The following JAK2 variants were observed in gnomAD, a reference collection of about 807,000 sequenced individuals.
JAK2 encodes tyrosine-protein kinase JAK2.
JAK2 carries 86 observed loss-of-function variants against 139.3 expected under a neutral mutation model. The observed-to-expected ratio is 0.62, with a 90% CI of 0.52 to 0.74. JAK2 has a LOEUF of 0.74. Among genes scored for constraint, JAK2 ranks in the 30% least tolerant of loss-of-function variants. The pLI is 0.00. For synonymous variants in JAK2, 490 were observed against 437.7 expected, an observed-to-expected ratio of 1.12 and a Z score of -1.49; for missense variants, 1,421 against 1,360.3, an observed-to-expected ratio of 1.04 and a Z score of -0.70.
intron 2 of JAK2, among the ~76,000 whole-genome samples, chr9:5,012,805 A>G (rs1187403479): frequency 6.6e-6 from 1 of 152,196 alleles, no homozygotes; most frequent in African/African-American, 2.4e-5. Context: ...GAGGTTGGAG[A>G]GGTAAGCAGC....
chr9:5,125,518 T>C (rs956024357), intron 23 of JAK2, among the ~76,000 whole-genome samples: 5 of 151,466 alleles, frequency 3.3e-5, no homozygotes, highest in African/African-American at 1.2e-4. Flanking sequence ...CTGATAATTA[T>C]CTTAGAATAA....
At chr9:5,112,837 TG>T in intron 22 of JAK2, 2 of 553,882 alleles carry the variant, frequency 3.6e-6, no homozygotes, top group Non-Finnish European at 5.7e-6. Flanking sequence ...ACAACCCCGC[TG>T]GGCACGTGTG....
At position 5,073,730 on chromosome 9, in the gene JAK2, G is replaced by A. The variant is rs771269665; in HGVS notation, c.1809G>A (p.Lys603=). Residue 603 remains lysine (K), a synonymous_variant, in exon 14 of 25, where the codon AAG becomes AAA. Transcript: ENST00000381652. The part of the protein sequence containing the change: ...SFFEAASMMS[K]LSHKHLVLNY... ...TTGAAGCAGCAAGTATGATGAGCAA[G>A]CTTTCTCACAAGCATTTGGTTTTAA... The A allele has an allele frequency of 6.2e-7, 1 of 1,612,318 alleles. No individual in the cohort carries two copies. The highest frequency in any genetic ancestry group is 8.5e-7 in the Non-Finnish European group (1 of 1,179,080).
chr9:5,028,878 G>A (rs1330062880), intron 3 of JAK2, among the ~76,000 whole-genome samples: 1 of 152,166 alleles, frequency 6.6e-6, no homozygotes, highest in African/African-American at 2.4e-5. Context: ...ATTGTGGCTG[G>A]TTTGATCTTC....
chr9:5,112,566 G>C, intron 22 of JAK2: 1 of 646,264 alleles, frequency 1.5e-6, no homozygotes, highest in East Asian at 2.9e-5. Flanking sequence ...ACGCCAGGGA[G>C]CGGCTGCGGG....
In JAK2 at chr9:5,029,808, G is replaced by C; in HGVS notation, c.252G>C (p.Met84Ile). 6.2e-7 allele frequency: 1 copy of C among 1,611,036 alleles called. No individual in the cohort carries two copies. Among genetic ancestry groups the C allele is most frequent in the Non-Finnish European group, 8.5e-7 (1 of 1,177,944 alleles). Residue 84 changes from methionine (M) to isoleucine (I), a missense_variant, in exon 4 of 25, where the codon ATG (methionine) becomes ATC (isoleucine). Coordinates refer to ENST00000381652, the MANE Select transcript of JAK2 (RefSeq NM_004972.4). ...GTATCACACCTGTGTATCATAATAT[G>C]TTTGCTTTAATGAGTGAAACAGAAA... The part of the protein sequence containing the change: ...ACGITPVYHN[M>I]FALMSETERI...
chr9:4,992,609 A>G (rs1820320193), intron 2 of JAK2, among the ~76,000 whole-genome samples: 1 of 152,178 alleles, frequency 6.6e-6, no homozygotes, highest in Non-Finnish European at 1.5e-5. Context: ...TCCCATCATG[A>G]CAGTAACTCA....
chr9:5,049,271 T>C (rs1821716311), intron 5 of JAK2, among the ~76,000 whole-genome samples: 1 of 152,186 alleles, frequency 6.6e-6, no homozygotes, highest in Admixed American at 6.5e-5. Context: ...CAGATCTCCA[T>C]AGTTTCTAGG....
chr9:5,095,207 G>A (rs958218028), intron 22 of JAK2, among the ~76,000 whole-genome samples: 1 of 151,974 alleles, frequency 6.6e-6, no homozygotes, highest in African/African-American at 2.4e-5. Context: ...GAAAATGTTG[G>A]TTATACCCTT....
intron 12 of JAK2, among the ~76,000 whole-genome samples, chr9:5,071,278 A>T (rs1818934429): frequency 6.6e-6 from 1 of 152,214 alleles, no homozygotes; most frequent in Non-Finnish European, 1.5e-5. Flanking sequence ...TTTTAATAGA[A>T]AATTTAGAAA....
intron 2 of JAK2, among the ~76,000 whole-genome samples, chr9:4,993,226 C>T (rs992082451): frequency 3.3e-5 from 5 of 152,174 alleles, no homozygotes; most frequent in Admixed American, 3.3e-4. Context: ...TGGGACAACA[C>T]CCTTAAGATC....
At chr9:4,991,494 G>T (rs1455714208) in intron 2 of JAK2, among the ~76,000 whole-genome samples, 2 of 152,178 alleles carry the variant, frequency 1.3e-5, no homozygotes, top group Admixed American at 6.5e-5. Flanking sequence ...GGGGATAAGG[G>T]ACTGACCCTG....
At chr9:5,037,940 T>A (rs1268226474) in intron 4 of JAK2, among the ~76,000 whole-genome samples, 1 of 152,194 alleles carries the variant, frequency 6.6e-6, no homozygotes, top group African/African-American at 2.4e-5. Flanking sequence ...AGTATGAAAT[T>A]TAAAACAGTG....
chr9:5,098,829 G>A (rs1275628427), intron 22 of JAK2: 2 of 147,512 alleles, frequency 1.4e-5, no homozygotes, highest in East Asian at 3.9e-4. Context: ...GAGTAGCTGG[G>A]ACTACAGGCG....
intron 22 of JAK2, among the ~76,000 whole-genome samples, chr9:5,119,307 T>A (rs1287787039): frequency 6.6e-6 from 1 of 152,102 alleles, no homozygotes; most frequent in Non-Finnish European, 1.5e-5. Context: ...CATGGAGGTA[T>A]GTTTATTATG....
intron 22 of JAK2, among the ~76,000 whole-genome samples, chr9:5,103,184 A>AAG (rs533261646): frequency 1.8e-3 from 265 of 147,426 alleles, no homozygotes; most frequent in Middle Eastern, 6.8e-3. Flanking sequence ...GGCTCAAAAT[A>AAG]AAGGGATGGA....
chr9:5,091,805 T>C (rs369222359), intron 22 of JAK2, among the ~76,000 whole-genome samples: 2 of 152,176 alleles, frequency 1.3e-5, no homozygotes, highest in East Asian at 3.8e-4. Context: ...AAACCTAGTA[T>C]ACTGGAGAAG....
At chr9:5,119,690 G>A (rs1207530993) in intron 22 of JAK2, among the ~76,000 whole-genome samples, 1 of 152,108 alleles carries the variant, frequency 6.6e-6, no homozygotes, top group Non-Finnish European at 1.5e-5. Context: ...ATGTGTTAGG[G>A]GGAGGTATGA....
intron 8 of JAK2, among the ~76,000 whole-genome samples, chr9:5,058,610 A>AT (rs1355685125): frequency 2.0e-4 from 30 of 152,096 alleles, no homozygotes; most frequent in Non-Finnish European, 3.8e-4. Flanking sequence ...TCTACTTGTA[A>AT]TTTTTTAGGG....
Sources: gnomAD v4.1 joint callset for allele counts (sites outside exome capture counted in the v4.1 genomes callset) on GRCh38, gnomAD v4.1.1 for gene constraint, MANE v1.5 for transcripts, NCBI Gene and HGNC (gene_info 2026-07-23, HGNC 2026-07-21) for gene names.